RELL2: variants seen among roughly 807,000 people sequenced by gnomAD.
RELL2 encodes RELT-like protein 2.
RELL2 carries 18 observed loss-of-function variants against 27.5 expected under a neutral mutation model. That is an observed-to-expected ratio of 0.65 (90% CI 0.45 to 0.97). The LOEUF is 0.97. RELL2 is among the 50% of genes least tolerant of loss of function. The pLI is 0.00. For synonymous variants in RELL2, 156 were observed against 147.5 expected (o/e 1.06, Z -0.42); for missense variants, 370 against 397.5 (o/e 0.93, Z 0.59).
chr5:141,639,542 C>T lies in RELL2; in HGVS notation c.396C>T (p.Cys132=). Residue 132 remains cysteine (C), a synonymous_variant, in exon 4 of 7, where the codon TGC becomes TGT. Transcript: ENST00000297164. The surrounding 1 kb of genome is among the most constrained non-coding windows in gnomAD (Gnocchi z 4.4). ...TGCACCTGGGCTCTGCAGCCCCTTG[C>T]CTCCATTGCAGCCGCAGCAAGAGGC... ...HTVHLGSAAP[C]LHCSRSKRPP... The T allele has an allele frequency of 6.2e-7, 1 of 1,614,010 alleles. No homozygotes were observed.
At position 141,637,726 on chromosome 5, in the gene RELL2, C is replaced by T. The variant is rs2154598167; in HGVS notation, c.-500C>T. On this transcript the variant is annotated 5_prime_UTR_variant, in exon 1 of 7. Transcript: ENST00000297164. ...CCGGAACCCCAGCAGAAGCCGGAACCAGAACCAAATCACCGGTACCGGGTC... is the reference window on the plus strand; with the variant it reads ...CCGGAACCCCAGCAGAAGCCGGAACTAGAACCAAATCACCGGTACCGGGTC... 6.5e-6 allele frequency: 1 copy of T among 154,022 alleles called. No individual in the cohort carries two copies. Among genetic ancestry groups the T allele is most frequent in the South Asian group, 2.0e-4 (1 of 5,010 alleles). 9.5% of individuals were successfully genotyped at this position (154,022 alleles called of 1,614,324 possible). A position where few individuals can be genotyped will look rare whatever the true frequency, so the allele number is the denominator to read the frequency against.
intron 5 of RELL2, 47 bp downstream of exon 5, chr5:141,640,342 C>G (rs1366345829): frequency 2.5e-6 from 4 of 1,614,046 alleles, no homozygotes; most frequent in Admixed American, 1.7e-5. Flanking sequence ...TCTTATTGCT[C>G]TCTACTCTGG....
rs2099906757 is a variant in RELL2, at chr5:141,640,660, TC to T, written c.*2-10del. The T allele has an allele frequency of 6.5e-7, 1 of 1,536,298 alleles. No individual in the cohort carries two copies. The highest frequency in any genetic ancestry group is 8.7e-7 in the Non-Finnish European group (1 of 1,146,540). On this transcript the variant is annotated splice_polypyrimidine_tract_variant and intron_variant, in intron 6 of 6. Coordinates refer to ENST00000297164, the MANE Select transcript of RELL2 (RefSeq NM_173828.5). The stretch of plus-strand genomic sequence containing the variant: ...CAGGAAGCAACAGTGTTATTCTTCC[TC>T]TTCTCCAAGTCTCCTTCATTGTGCT...
At position 141,638,336 on chromosome 5, in the gene RELL2, C is replaced by G. The variant is rs368745319; in HGVS notation, c.111C>G (p.His37Gln). ...GCCTGGTAGGCTTCATGATCTGCCA[C>G]GTGCTCAAGAAGAAGGGCTACCGCT... ...LMGLVGFMIC[H>Q]VLKKKGYRCR... is the part of the protein sequence containing the mutation. The change falls in exon 1 of 7, where the codon CAC becomes CAG. Residue 37 changes from histidine (H) to glutamine (Q), a missense_variant. By Grantham distance (24) the His-to-Gln change is conservative. Coordinates refer to ENST00000297164, the MANE Select transcript of RELL2 (RefSeq NM_173828.5). The G allele has an allele frequency of 1.2e-6, 2 of 1,614,018 alleles. No individual in the cohort carries two copies. Among genetic ancestry groups the G allele is most frequent in the East Asian group, 2.2e-5 (1 of 44,850 alleles).
chr5:141,640,964 A>G lies in RELL2; in HGVS notation c.*295A>G, dbSNP rs2099906815. On this transcript the variant is annotated 3_prime_UTR_variant, in exon 7 of 7. Transcript: ENST00000297164. ...CTGCCCGTGGTGGGCCCCTAAAGCA[A>G]TAGCACCGTAGGCCCCCTGCCCTCT... 6.2e-6 allele frequency: 3 copies of G among 487,662 alleles called. No individual in the cohort carries two copies. Among genetic ancestry groups the G allele is most frequent in the Non-Finnish European group, 7.2e-6 (2 of 276,654 alleles). The allele number at this position is 487,662 out of a possible 1,614,324, so 30.2% of individuals were successfully genotyped here.
chr5:141,639,632 T>A lies in RELL2; in HGVS notation c.486T>A (p.Thr162=). 6.2e-7 allele frequency: 1 copy of A among 1,606,088 alleles called. No homozygotes were observed. The highest frequency in any genetic ancestry group is 2.0e-4 in the Middle Eastern group (1 of 5,090). Residue 162 remains threonine (T), a synonymous_variant, in exon 4 of 7, where the codon ACT becomes ACA. Coordinates refer to ENST00000297164, the MANE Select transcript of RELL2 (RefSeq NM_173828.5). This position sits in a 1 kb window ranked among gnomAD's most constrained non-coding sequence, Gnocchi z 4.4. ...GCCGCCCCCGGACAGGGGAGACCAC[T>A]GTGTTCTCTGTGGGCAGGTGGGGCA... ...GKSRPRTGET[T]VFSVGRFRVT...
chr5:141,640,786 C>T lies in RELL2; in HGVS notation c.*117C>T. The T allele has an allele frequency of 1.0e-6, 1 of 1,001,018 alleles. No homozygotes were observed. The highest frequency in any genetic ancestry group is 1.4e-6 in the Non-Finnish European group (1 of 692,124). The allele number at this position is 1,001,018 out of a possible 1,614,324, so 62.0% of individuals were successfully genotyped here. A position where few individuals can be genotyped will look rare whatever the true frequency, so the allele number is the denominator to read the frequency against. On this transcript the variant is annotated 3_prime_UTR_variant, in exon 7 of 7. Transcript: ENST00000297164. ...CCCAGCTGAGGGACCAGCTCTACTT[C>T]CACCTGGAGTTGCACAGTCTCAGGC...
rs1257640375 is a variant in RELL2 at position 141,637,839 on chromosome 5, C to T, written c.-387C>T. On this transcript the variant is annotated 5_prime_UTR_variant, in exon 1 of 7. Transcript: ENST00000297164. Reference sequence around the variant, plus strand: ...GGGGCTGCAGAGGCCTGGCTCAGGCCGGCGTGGAGGAGGTGCGGGCGCTGA... The same window carrying T: ...GGGGCTGCAGAGGCCTGGCTCAGGCTGGCGTGGAGGAGGTGCGGGCGCTGA... The T allele has an allele frequency of 5.3e-6, 1 of 190,432 alleles. No individual in the cohort carries two copies. Among genetic ancestry groups the T allele is most frequent in the Non-Finnish European group, 1.1e-5 (1 of 90,546 alleles). 11.8% of individuals were successfully genotyped at this position (190,432 alleles called of 1,614,324 possible).
In RELL2 at chr5:141,640,337, T is replaced by C. The variant is rs751928779; in HGVS notation, c.879+42T>C. The C allele has an allele frequency of 1.7e-5, 27 of 1,613,932 alleles. No individual in the cohort carries two copies. In the East Asian group the frequency reaches 3.8e-4, roughly 23 times the overall value. On this transcript the variant is annotated intron_variant, in intron 5 of 6. Transcript: ENST00000297164. ...GGGACTGCACTGGGCTGGGCTCTTA[T>C]TGCTCTCTACTCTGGGGGGCACTGA...
Position 141,639,909 on chromosome 5 carries a change from T to C in RELL2, c.504-11T>C. On this transcript the variant is annotated splice_polypyrimidine_tract_variant and intron_variant, in intron 4 of 6. Coordinates refer to ENST00000297164, the MANE Select transcript of RELL2 (RefSeq NM_173828.5). This position sits in a 1 kb window ranked among gnomAD's most constrained non-coding sequence, Gnocchi z 4.4. ...TGTGGTCCTAAACCCCAGTGTTCCC[T>C]CCCCTCCCAGGTTCCGGGTGACACA... 4.3e-6 allele frequency: 7 copies of C among 1,613,484 alleles called. No individual in the cohort carries two copies. Among genetic ancestry groups the C allele is most frequent in the African/African-American group, 4.0e-5 (3 of 74,970 alleles).
In RELL2 at chr5:141,639,959, C is replaced by T. The variant is rs1596455055; in HGVS notation, c.543C>T (p.His181=). 5.6e-6 allele frequency: 9 copies of T among 1,614,022 alleles called. No individual in the cohort carries two copies. Among genetic ancestry groups the T allele is most frequent in the Admixed American group, 3.3e-5 (2 of 60,022 alleles). The change falls in exon 5 of 7, where the codon CAC becomes CAT. Residue 181 remains histidine, a synonymous_variant. Coordinates refer to ENST00000297164, the MANE Select transcript of RELL2 (RefSeq NM_173828.5). The surrounding 1 kb of genome is among the most constrained non-coding windows in gnomAD (Gnocchi z 4.4). ...ACATTGAGAAGCGCTATGGACTGCA[C>T]GAACACCGTGATGGCTCCCCCACAG... ...VTHIEKRYGL[H]EHRDGSPTDR... is the part of the protein sequence containing the mutation.
rs1596450185 is a variant in RELL2 at position 141,637,360 on chromosome 5, G to C, written c.-866G>C. On this transcript the variant is annotated 5_prime_UTR_variant, in exon 1 of 7. Transcript: ENST00000297164. ...CTCGGCGCCGCACATTGCCCCGGGG[G>C]GGCCCGGCGCAGTCACGCGCGCGCA... 1 of 152,548 alleles carries C rather than the reference G, an allele frequency of 6.6e-6. No individual in the cohort carries two copies. The highest frequency in any genetic ancestry group is 2.4e-5 in the African/African-American group (1 of 41,466). The allele number at this position is 152,548 out of a possible 1,614,324, so 9.4% of individuals were successfully genotyped here. A position where few individuals can be genotyped will look rare whatever the true frequency, so the allele number is the denominator to read the frequency against.
Position 141,638,279 on chromosome 5 carries a change from C to G in RELL2, c.54C>G (p.Leu18=), listed in dbSNP as rs374328671. The change falls in exon 1 of 7, where the codon CTC becomes CTG. Residue 18 remains leucine (L), a synonymous_variant. Coordinates refer to ENST00000297164, the MANE Select transcript of RELL2 (RefSeq NM_173828.5). ...CGCCCCAACATGGGCTATATATGCT[C>G]TTCCTGCTTGTGCTGGTCTTCTTCC... The part of the protein sequence containing the change: ...LEPPQHGLYM[L]FLLVLVFFLM... 4 of 1,613,980 alleles carry G rather than the reference C, an allele frequency of 2.5e-6. No homozygotes were observed. In the African/African-American group the frequency reaches 4.0e-5, roughly 16 times the overall value.
At position 141,638,303 on chromosome 5, in the gene RELL2, C is replaced by T. The variant is rs571435495; in HGVS notation, c.78C>T (p.Phe26=). ...YMLFLLVLVF[F]LMGLVGFMIC... is the part of the protein sequence containing the mutation. ...TCTTCCTGCTTGTGCTGGTCTTCTT[C>T]CTCATGGGCCTGGTAGGCTTCATGA... The change falls in exon 1 of 7, where the codon TTC becomes TTT. Residue 26 remains phenylalanine (F), a synonymous_variant. Transcript: ENST00000297164. 2.5e-6 allele frequency: 4 copies of T among 1,614,048 alleles called. No homozygotes were observed. The highest frequency in any genetic ancestry group is 1.7e-4 in the Middle Eastern group (1 of 6,060).
In RELL2 at chr5:141,638,997, G is replaced by A; in HGVS notation, c.293G>A (p.Gly98Glu). ...AAGGAGATGCTGGGGGACAGTGAAG[G>A]AGAAGGGACAGTGCAGCTGTCCAGG... is the stretch of plus-strand genomic sequence containing the variant. Reference protein sequence around the residue: ...ALKEMLGDSEGEGTVQLSSVD... With the variant: ...ALKEMLGDSEEEGTVQLSSVD... The change falls in exon 3 of 7, where the codon GGA (glycine) becomes GAA (glutamate). Residue 98 changes from glycine (G) to glutamate (E), a missense_variant. Coordinates refer to ENST00000297164, the MANE Select transcript of RELL2 (RefSeq NM_173828.5). 6.2e-7 allele frequency: 1 copy of A among 1,614,142 alleles called. No individual in the cohort carries two copies. The highest frequency in any genetic ancestry group is 8.5e-7 in the Non-Finnish European group (1 of 1,180,012).
rs768802618 is a variant in RELL2 at position 141,640,399 on chromosome 5, C to G, written c.880-13C>G. The G allele has an allele frequency of 1.9e-6, 3 of 1,614,188 alleles. No homozygotes were observed. The South Asian group carries it at 3.3e-5, about 18-fold the overall frequency. On this transcript the variant is annotated splice_polypyrimidine_tract_variant and intron_variant, in intron 5 of 6. Transcript: ENST00000297164. ...CCTGGTCTCTCATTGTTGACCCCTCCCCTTTCTCTCAGGTGTCTCTACCAC... is the reference window on the plus strand; with the variant it reads ...CCTGGTCTCTCATTGTTGACCCCTCGCCTTTCTCTCAGGTGTCTCTACCAC...
chr5:141,640,064 G>C lies in RELL2; in HGVS notation c.648G>C (p.Met216Ile), dbSNP rs199675831. The C allele has an allele frequency of 5.4e-5, 87 of 1,613,456 alleles. No homozygotes were observed. Among genetic ancestry groups the C allele is most frequent in the Admixed American group, 8.3e-5 (5 of 59,986 alleles). Residue 216 changes from methionine (M) to isoleucine (I), a missense_variant, in exon 5 of 7, where the codon ATG becomes ATC. Met to Ile is a conservative substitution (Grantham distance 10). Coordinates refer to ENST00000297164, the MANE Select transcript of RELL2 (RefSeq NM_173828.5). ...GGGGAGGGCAGCCCAAGGCAGGGAT[G>C]CCTGCCATGGAGAGGCTGCCCCCTG... ...GSGGGQPKAG[M>I]PAMERLPPER...
In RELL2 at chr5:141,640,043, A is replaced by T; in HGVS notation, c.627A>T (p.Gly209=). Residue 209 remains glycine, a synonymous_variant, in exon 5 of 7, where the codon GGA becomes GGT. Transcript: ENST00000297164. Reference sequence around the variant, plus strand: ...CAGGGGGTGGTCAGGGGTCTGGGGGAGGGCAGCCCAAGGCAGGGATGCCTG... The same window carrying T: ...CAGGGGGTGGTCAGGGGTCTGGGGGTGGGCAGCCCAAGGCAGGGATGCCTG... The part of the protein sequence containing the change: ...QDPGGGQGSG[G]GQPKAGMPAM... 1 of 1,613,232 alleles carries T rather than the reference A, an allele frequency of 6.2e-7. No homozygotes were observed. Among genetic ancestry groups the T allele is most frequent in the Non-Finnish European group, 8.5e-7 (1 of 1,179,680 alleles).
At chr5:141,640,350 TG>T in intron 5 of RELL2, 55 bp downstream of exon 5, 1 of 1,613,984 alleles carries the variant, frequency 6.2e-7, no homozygotes, top group Non-Finnish European at 8.5e-7. Flanking sequence ...CTCTCTACTC[TG>T]GGGGGCACTG....
Sources: gnomAD v4.1 joint callset for allele counts on GRCh38, gnomAD v4.1.1 for gene constraint, Gnocchi (gnomAD v3.1) non-coding constraint, MANE v1.5 for transcripts, NCBI Gene and HGNC (gene_info 2026-07-23, HGNC 2026-07-21) for gene names.